FXN: variants seen among roughly 807,000 people sequenced by gnomAD.
FXN encodes the protein frataxin, mitochondrial.
Under a neutral mutation model 22.4 loss-of-function variants are expected in FXN, and 14 were observed. That is an observed-to-expected ratio of 0.62 (90% CI 0.41 to 0.98). The LOEUF (loss-of-function observed/expected upper bound fraction) is 0.98, where lower values mean the gene tolerates loss of function less well. FXN is among the 50% of genes least tolerant of loss of function. The probability of loss-of-function intolerance (pLI) is 0.00; values close to 1 mark genes in which losing one functional copy is unlikely to be tolerated. For missense variants in FXN, 267 were observed against 268.4 expected, an observed-to-expected ratio of 0.99 and a Z score of 0.04; for synonymous variants, 120 against 114.1, an observed-to-expected ratio of 1.05 and a Z score of -0.33.
Position 69,078,163 on chromosome 9 carries a change from C to A in FXN, c.*5401C>A, listed in dbSNP as rs10869823. 1 of 984,946 alleles carries A rather than the reference C, an allele frequency of 1.0e-6. No homozygotes were observed. The allele number at this position is 984,946 out of a possible 1,614,324, so 61.0% of individuals were successfully genotyped here. On this transcript the variant is annotated 3_prime_UTR_variant, in exon 5 of 5. Transcript: ENST00000484259. ...AGATGAGTTTGGAGTCAGGATTTCT[C>A]TGTAAGATTGCCTAGGCTGTGTACT...
At position 69,073,635 on chromosome 9, in the gene FXN, C is replaced by T. The variant is rs1220166025; in HGVS notation, c.*873C>T. On this transcript the variant is annotated 3_prime_UTR_variant, in exon 5 of 5. Transcript: ENST00000484259. ...GAGAGCCCTGGTCCTAGACATAGTT[C>T]AGCCACAAAGTAGTTGTCCCTTTGT... is the stretch of plus-strand genomic sequence containing the variant. The T allele has an allele frequency of 6.1e-6, 6 of 985,226 alleles. No homozygotes were observed. In the African/African-American group the frequency reaches 1.0e-4, roughly 17 times the overall value. The allele number at this position is 985,226 out of a possible 1,614,324, so 61.0% of individuals were successfully genotyped here.
intron 2 of FXN, among the ~76,000 whole-genome samples, chr9:69,049,447 T>C (rs970831506): frequency 1.5e-4 from 23 of 152,096 alleles, no homozygotes; most frequent in African/African-American, 5.5e-4. Context: ...ATGGACTGGG[T>C]GGGGAAGAGG....
intron 3 of FXN, among the ~76,000 whole-genome samples, chr9:69,060,254 C>G (rs891729879): frequency 6.6e-6 from 1 of 151,972 alleles, no homozygotes; most frequent in Middle Eastern, 3.2e-3. Context: ...GCCTGTAGTC[C>G]CAGCTACTCG....
intron 3 of FXN, among the ~76,000 whole-genome samples, chr9:69,060,711 T>C (rs769369486): frequency 1.3e-5 from 2 of 152,120 alleles, no homozygotes; most frequent in Non-Finnish European, 2.9e-5. Context: ...AAGTTGAGCA[T>C]TGGGGTTTTC....
chr9:69,071,242 T>C (rs776327698), intron 4 of FXN: 14 of 518,944 alleles, frequency 2.7e-5, no homozygotes, highest in Non-Finnish European at 5.0e-5. Flanking sequence ...ATTAGTCCTT[T>C]TCCTGTGACC....
chr9:69,055,011 G>A (rs2133113353), intron 3 of FXN, among the ~76,000 whole-genome samples: 1 of 152,304 alleles, frequency 6.6e-6, no homozygotes, highest in South Asian at 2.1e-4. Context: ...CTTAGAGAAG[G>A]TATCAAGCCT....
rs572039496 is a variant in FXN, at chr9:69,074,919, A to G, written c.*2157A>G. ...TTGTATGTGTTTGCATCTTGCTTCT[A>G]CTGAAAGTTTCAGTGCACCCCACTT... is the stretch of plus-strand genomic sequence containing the variant. On this transcript the variant is annotated 3_prime_UTR_variant, in exon 5 of 5. Transcript: ENST00000484259. 74 of 985,422 alleles carry G rather than the reference A, an allele frequency of 7.5e-5. No homozygotes were observed. The South Asian group carries it at 3.0e-3, about 39-fold the overall frequency. The allele number at this position is 985,422 out of a possible 1,614,324, so 61.0% of individuals were successfully genotyped here. A position where few individuals can be genotyped will look rare whatever the true frequency, so the allele number is the denominator to read the frequency against.
At position 69,075,295 on chromosome 9, in the gene FXN, T is replaced by C; in HGVS notation, c.*2533T>C. The stretch of plus-strand genomic sequence containing the variant: ...CAACATGGCAAAATCCCGTCTCTAC[T>C]AAAAATATTAAAAAATTGGCTGGGC... On this transcript the variant is annotated 3_prime_UTR_variant, in exon 5 of 5. Transcript: ENST00000484259. 3.1e-6 allele frequency: 2 copies of C among 645,926 alleles called. No individual in the cohort carries two copies. Among genetic ancestry groups the C allele is most frequent in the Non-Finnish European group, 3.8e-6 (2 of 520,374 alleles). The allele number at this position is 645,926 out of a possible 1,614,324, so 40.0% of individuals were successfully genotyped here.
In FXN at chr9:69,058,776, G is replaced by A. The variant is rs575518983; in HGVS notation, c.384+5516G>A. Among the ~76,000 whole-genome samples the A allele has an allele frequency of 5.9e-5, 9 of 152,262 alleles. No homozygotes were observed. The South Asian group carries it at 1.7e-3, about 28-fold the overall frequency. On this transcript the variant is annotated intron_variant, in intron 3 of 4. Transcript: ENST00000484259. ...GGAAAGTGACATGCAGAAAATGAAA[G>A]TGAGGGCCTGGTGCTGGTGCGGTGC...
rs1269469438 is a variant in FXN, at chr9:69,076,233, A to G, written c.*3471A>G. On this transcript the variant is annotated 3_prime_UTR_variant, in exon 5 of 5. Coordinates refer to ENST00000484259, the MANE Select transcript of FXN (RefSeq NM_000144.5). ...TGGCCTCATGTTTTTTTTTTTTTTA[A>G]TCTATAAAATGGAGATATCTAACAT... 2 of 766,930 alleles carry G rather than the reference A, an allele frequency of 2.6e-6. No homozygotes were observed. The highest frequency in any genetic ancestry group is 1.8e-4 in the East Asian group (1 of 5,574). The allele number at this position is 766,930 out of a possible 1,614,324, so 47.5% of individuals were successfully genotyped here. A position where few individuals can be genotyped will look rare whatever the true frequency, so the allele number is the denominator to read the frequency against.
chr9:69,045,826 G>T (rs930223520), intron 1 of FXN, among the ~76,000 whole-genome samples: 1 of 151,570 alleles, frequency 6.6e-6, no homozygotes, highest in Non-Finnish European at 1.5e-5. Context: ...AGGTAAGGGG[G>T]GAAGTGTGCA....
At chr9:69,051,064 G>A (rs1587820500) in intron 2 of FXN, among the ~76,000 whole-genome samples, 1 of 152,190 alleles carries the variant, frequency 6.6e-6, no homozygotes, top group African/African-American at 2.4e-5. Flanking sequence ...ACAGGCATGA[G>A]CCACCGCGCC....
In FXN at chr9:69,065,034, A is replaced by C. The variant is rs1475266569; in HGVS notation, c.481A>C (p.Ser161Arg). 1 of 1,603,156 alleles carries C rather than the reference A, an allele frequency of 6.2e-7. No individual in the cohort carries two copies. Among genetic ancestry groups the C allele is most frequent in the East Asian group, 2.2e-5 (1 of 44,850 alleles). ...GCAAATCTGGCTATCTTCTCCATCC[A>C]GGTATGTAGGTATGTTCAGAAGTCA... is the stretch of plus-strand genomic sequence containing the variant. ...NKQIWLSSPS[S>R]GPKRYDWTGK... The change falls in exon 4 of 5, where the codon AGT becomes CGT. Residue 161 changes from serine (S) to arginine (R), a missense_variant and splice_region_variant. Physicochemically the swap from Ser to Arg is moderately radical, Grantham distance 110. Transcript: ENST00000484259.
chr9:69,059,829 A>G (rs1289254786), intron 3 of FXN, among the ~76,000 whole-genome samples: 2 of 152,192 alleles, frequency 1.3e-5, no homozygotes, highest in Admixed American at 6.5e-5. Context: ...TTCCTCAGCT[A>G]TGAGATGAGT....
At chr9:69,065,461 A>T (rs1832151646) in intron 4 of FXN, among the ~76,000 whole-genome samples, 1 of 150,802 alleles carries the variant, frequency 6.6e-6, no homozygotes, top group Non-Finnish European at 1.5e-5. Context: ...CCTCAGCCTG[A>T]GCCCAGGAGG....
At chr9:69,058,509 G>A (rs1832005019) in intron 3 of FXN, among the ~76,000 whole-genome samples, 1 of 151,566 alleles carries the variant, frequency 6.6e-6, no homozygotes, top group African/African-American at 2.4e-5. Flanking sequence ...AGAACTGAGG[G>A]TTCTTCATCT....
intron 4 of FXN, among the ~76,000 whole-genome samples, chr9:69,066,948 A>G (rs544259697): frequency 8.4e-4 from 128 of 152,130 alleles, no homozygotes; most frequent in African/African-American, 3.0e-3. Context: ...AGCAGGCCAC[A>G]CCCAGAGACC....
intron 3 of FXN, among the ~76,000 whole-genome samples, chr9:69,060,451 A>G (rs1040252434): frequency 6.6e-6 from 1 of 152,052 alleles, no homozygotes. Context: ...ACTGCTACAT[A>G]TTTTGACTAT....
At chr9:69,040,668 A>G (rs7026584) in intron 1 of FXN, among the ~76,000 whole-genome samples, 2,121 of 152,146 alleles carry the variant, frequency 0.014, 62 homozygotes, top group African/African-American at 0.047. Context: ...ACTGCATCTC[A>G]AAGAAAAAAA....
Sources: gnomAD v4.1 joint callset for allele counts (sites outside exome capture counted in the v4.1 genomes callset) on GRCh38, gnomAD v4.1.1 for gene constraint, MANE v1.5 for transcripts, NCBI Gene and HGNC (gene_info 2026-07-23, HGNC 2026-07-21) for gene names.